The following RHOBTB1 variants were observed in gnomAD, a reference collection of about 807,000 sequenced individuals.
RHOBTB1 encodes the protein Rho related BTB domain containing 1.
Under a neutral mutation model 71.6 loss-of-function variants are expected in RHOBTB1, and 40 were observed. The ratio of observed to expected loss-of-function variants is 0.56; its 90% CI spans 0.43 to 0.73. The LOEUF (loss-of-function observed/expected upper bound fraction) is 0.73, where lower values mean the gene tolerates loss of function less well. Among genes scored for constraint, RHOBTB1 ranks in the 30% least tolerant of loss-of-function variants. The pLI is 0.00. For synonymous variants in RHOBTB1, 319 were observed against 334.9 expected (o/e 0.95, Z 0.52); for missense variants, 797 against 894.0 (o/e 0.89, Z 1.38).
intron 2 of RHOBTB1, among the ~76,000 whole-genome samples, chr10:60,920,905 C>T (rs1343653089): frequency 2.0e-5 from 3 of 151,768 alleles, no homozygotes; most frequent in African/African-American, 7.3e-5. Context: ...GATCCTCCCA[C>T]CTTGGCCTCC....
At chr10:60,904,294 C>G (rs887163412) in intron 4 of RHOBTB1, among the ~76,000 whole-genome samples, 1 of 152,090 alleles carries the variant, frequency 6.6e-6, no homozygotes, top group Non-Finnish European at 1.5e-5. Context: ...GGAAATATAC[C>G]AAATTTGCAT....
intron 7 of RHOBTB1, among the ~76,000 whole-genome samples, chr10:60,882,542 AG>A (rs1444212339): frequency 2.0e-5 from 3 of 151,476 alleles, no homozygotes; most frequent in African/African-American, 7.3e-5. Context: ...CATTGGACAT[AG>A]GCATATTTCA....
At chr10:60,974,433 T>G (rs2086254076) in intron 2 of RHOBTB1, among the ~76,000 whole-genome samples, 1 of 152,094 alleles carries the variant, frequency 6.6e-6, no homozygotes, top group Non-Finnish European at 1.5e-5. Flanking sequence ...AATGAATACT[T>G]AAGTTCACTA....
intron 2 of RHOBTB1, among the ~76,000 whole-genome samples, chr10:60,933,167 A>G (rs2134009329): frequency 6.6e-6 from 1 of 152,360 alleles, no homozygotes; most frequent in East Asian, 1.9e-4. Flanking sequence ...TTATTGGCTA[A>G]TAACAATGAA....
intron 2 of RHOBTB1, among the ~76,000 whole-genome samples, chr10:60,929,678 A>G (rs2084114569): frequency 6.6e-6 from 1 of 152,184 alleles, no homozygotes; most frequent in Admixed American, 6.5e-5. Context: ...CCAATTCATA[A>G]TAGAAGTAAC....
chr10:60,934,141 T>C (rs1194069690), intron 2 of RHOBTB1, among the ~76,000 whole-genome samples: 1 of 152,186 alleles, frequency 6.6e-6, no homozygotes, highest in African/African-American at 2.4e-5. Context: ...AAAATATCTT[T>C]GTGTGTGAGA....
At chr10:60,873,920 T>A (rs1026758053) in intron 9 of RHOBTB1, among the ~76,000 whole-genome samples, 1 of 152,238 alleles carries the variant, frequency 6.6e-6, no homozygotes, top group African/African-American at 2.4e-5. Context: ...AAATAACAAA[T>A]ACTTGTTGAA....
chr10:60,961,818 T>G (rs2134530234), intron 2 of RHOBTB1, among the ~76,000 whole-genome samples: 1 of 151,666 alleles, frequency 6.6e-6, no homozygotes, highest in South Asian at 2.1e-4. Flanking sequence ...TTTGTTTTTT[T>G]TTTTTTTTGA....
At chr10:60,909,635 T>A (rs935156665) in intron 4 of RHOBTB1, among the ~76,000 whole-genome samples, 9 of 152,002 alleles carry the variant, frequency 5.9e-5, no homozygotes, top group South Asian at 2.1e-4. Context: ...TGTAGAACAA[T>A]TGGACAAAAG....
chr10:60,971,458 TA>T (rs1190172417), intron 2 of RHOBTB1, among the ~76,000 whole-genome samples: 5 of 152,086 alleles, frequency 3.3e-5, no homozygotes, highest in Non-Finnish European at 5.9e-5. Context: ...GATTCCCTAT[TA>T]AAAAAATGCT....
chr10:60,877,559 G>A (rs2081104595), intron 8 of RHOBTB1, among the ~76,000 whole-genome samples: 1 of 152,198 alleles, frequency 6.6e-6, no homozygotes, highest in Non-Finnish European at 1.5e-5. Context: ...CTGTGTCTGT[G>A]CACTTATTAT....
chr10:60,941,672 G>A (rs1209398953), intron 2 of RHOBTB1, 132 bp downstream of exon 2: 2 of 152,078 alleles, frequency 1.3e-5, no homozygotes, highest in Non-Finnish European at 2.9e-5. Context: ...ATTCATAACT[G>A]AGTCCATAAA....
intron 2 of RHOBTB1, among the ~76,000 whole-genome samples, chr10:60,916,718 G>A (rs549940341): frequency 5.3e-5 from 8 of 152,220 alleles, no homozygotes; most frequent in African/African-American, 1.7e-4. Context: ...CCCTGAATAC[G>A]TCCACGGAAT....
chr10:60,863,522 G>A, the RHOBTB1 span, among the ~76,000 whole-genome samples: 2 of 151,340 alleles, frequency 1.3e-5, no homozygotes, highest in African/African-American at 4.9e-5. Flanking sequence ...GAGCTCCTCC[G>A]TGGGGTCTTC....
chr10:60,884,074 T>A (rs549597635), intron 7 of RHOBTB1, among the ~76,000 whole-genome samples: 3 of 152,334 alleles, frequency 2.0e-5, no homozygotes, highest in Non-Finnish European at 4.4e-5. Context: ...TCTAATATTT[T>A]TTCCCTGAAA....
intron 6 of RHOBTB1, among the ~76,000 whole-genome samples, chr10:60,886,857 T>C (rs530567970): frequency 6.6e-6 from 1 of 152,034 alleles, no homozygotes; most frequent in African/African-American, 2.4e-5. Context: ...TATTTTTGTA[T>C]AATTTTGTGT....
At chr10:60,956,438 A>G (rs778796078) in intron 2 of RHOBTB1, among the ~76,000 whole-genome samples, 15 of 152,132 alleles carry the variant, frequency 9.9e-5, no homozygotes, top group Non-Finnish European at 1.8e-4. Flanking sequence ...CACTATATTC[A>G]TAAGATAATA....
In RHOBTB1 at chr10:60,964,497, A is replaced by T. The variant is rs184515686; in HGVS notation, c.-62+21348T>A. On this transcript the variant is annotated intron_variant, in intron 2 of 11. Coordinates refer to the RHOBTB1 transcript ENST00000357917. ...TTGCTGTATAACCCTTAAAAACTTT[A>T]CATTGCATGCTTTTCTAAGGCCACC... Among the ~76,000 whole-genome samples, 43 of 152,286 alleles carry T rather than the reference A, an allele frequency of 2.8e-4. No individual in the cohort carries two copies. In the East Asian group the frequency reaches 5.2e-3, roughly 18 times the overall value.
chr10:60,898,159 A>G (rs2082249526), intron 4 of RHOBTB1, among the ~76,000 whole-genome samples: 2 of 152,070 alleles, frequency 1.3e-5, no homozygotes, highest in African/African-American at 4.8e-5. Context: ...CATATCCAGT[A>G]TATGGACAGA....
Sources: allele counts gnomAD v4.1 joint callset (sites outside exome capture counted in the v4.1 genomes callset), GRCh38; gene constraint gnomAD v4.1.1; transcripts MANE v1.5; gene names NCBI Gene and HGNC (gene_info 2026-07-23, HGNC 2026-07-21).